AGL: variants seen among roughly 807,000 people sequenced by gnomAD.
The protein encoded by AGL is amylo-alpha-1,6-glucosidase and 4-alpha-glucanotransferase, also known as glycogen debranching enzyme.
AGL carries 128 observed loss-of-function variants against 199.3 expected under a neutral mutation model. The ratio of observed to expected loss-of-function variants is 0.64; its 90% CI spans 0.56 to 0.74. AGL has a LOEUF of 0.74. Among genes scored for constraint, AGL ranks in the 30% least tolerant of loss-of-function variants. AGL has a pLI of 0.00. For synonymous variants in AGL, 584 were observed against 594.7 expected, an observed-to-expected ratio of 0.98 and a Z score of 0.26; for missense variants, 1,809 against 1,820.8, an observed-to-expected ratio of 0.99 and a Z score of 0.12.
At position 99,923,639 on chromosome 1, in the gene AGL, CA is replaced by C. The variant is rs1310131754; in HGVS notation, c.*1989del. On this transcript the variant is annotated 3_prime_UTR_variant, in exon 34 of 34. Coordinates refer to ENST00000361915, the MANE Select transcript of AGL (RefSeq NM_000642.3). Reference sequence around the variant, plus strand: ...TTAAAGTTTAAGAAGGCATGTTAAACATTATTTCCTCTATGGTAGTTAAAAT... The same window carrying C: ...TTAAAGTTTAAGAAGGCATGTTAAACTTATTTCCTCTATGGTAGTTAAAAT... 1 of 152,112 alleles carries C rather than the reference CA, an allele frequency of 6.6e-6. No homozygotes were observed. The highest frequency in any genetic ancestry group is 2.4e-5 in the African/African-American group (1 of 41,426). 9.4% of individuals were successfully genotyped at this position (152,112 alleles called of 1,614,324 possible). A position where few individuals can be genotyped will look rare whatever the true frequency, so the allele number is the denominator to read the frequency against.
intron 2 of AGL, among the ~76,000 whole-genome samples, chr1:99,852,904 A>G (rs1255183924): frequency 6.6e-6 from 1 of 152,198 alleles, no homozygotes; most frequent in African/African-American, 2.4e-5. Flanking sequence ...CAACTTGGAT[A>G]TGCTTAAATC....
At chr1:99,849,604 G>C (rs1349403864), upstream of AGL, among the ~76,000 whole-genome samples, 1 of 152,038 alleles carries the variant, frequency 6.6e-6, no homozygotes, top group Non-Finnish European at 1.5e-5. Context: ...TTACCTACTG[G>C]GTCTGCATTC....
intron 5 of AGL, among the ~76,000 whole-genome samples, chr1:99,870,153 CT>C (rs1650865066): frequency 6.6e-6 from 1 of 151,766 alleles, no homozygotes; most frequent in Admixed American, 6.6e-5. Context: ...GAGAGAGTTG[CT>C]TTTTGTTTCA....
chr1:99,849,668 G>C (rs1030808866), upstream of AGL, among the ~76,000 whole-genome samples: 1 of 152,156 alleles, frequency 6.6e-6, no homozygotes, highest in Admixed American at 6.5e-5. Context: ...GTGTTGGCTG[G>C]AATGTCAAGG....
chr1:99,898,313 TG>T (rs2100810344), intron 25 of AGL, among the ~76,000 whole-genome samples: 1 of 152,348 alleles, frequency 6.6e-6, no homozygotes, highest in South Asian at 2.1e-4. Context: ...CCCAAAGTGC[TG>T]GGATTACAGG....
intron 24 of AGL, among the ~76,000 whole-genome samples, chr1:99,893,236 T>C (rs1251993765): frequency 2.0e-5 from 3 of 152,170 alleles, no homozygotes; most frequent in Admixed American, 6.5e-5. Context: ...CTGAAAAATA[T>C]CAAGTTACAG....
chr1:99,920,176 A>G (rs1340548341), intron 33 of AGL, among the ~76,000 whole-genome samples: 1 of 152,248 alleles, frequency 6.6e-6, no homozygotes. Flanking sequence ...ACAGAGCACT[A>G]CAAACTGAGT....
Position 99,877,688 on chromosome 1 carries a change from G to A in AGL, c.1471G>A (p.Val491Ile). ...RRELICWGDS[V>I]KLRYGNKPED... ...AGAACTTATTTGCTGGGGAGACAGT[G>A]TTAAATTACGCTATGGGAATAAACC... Residue 491 changes from valine to isoleucine, a missense_variant, in exon 12 of 34, where the codon GTT (valine) becomes ATT (isoleucine). Physicochemically the swap from Val to Ile is conservative, Grantham distance 29. Transcript: ENST00000361915. 1 of 1,614,074 alleles carries A rather than the reference G, an allele frequency of 6.2e-7. No homozygotes were observed. The highest frequency in any genetic ancestry group is 8.5e-7 in the Non-Finnish European group (1 of 1,179,992).
intron 7 of AGL, among the ~76,000 whole-genome samples, chr1:99,871,138 G>A (rs1650967974): frequency 6.6e-6 from 1 of 152,144 alleles, no homozygotes; most frequent in Non-Finnish European, 1.5e-5. Flanking sequence ...GTGGAACCCA[G>A]TATATAGTTG....
chr1:99,885,407 C>G (rs1652380575), intron 20 of AGL, among the ~76,000 whole-genome samples: 1 of 152,132 alleles, frequency 6.6e-6, no homozygotes, highest in South Asian at 2.1e-4. Context: ...AGTTTGCCAT[C>G]ATTAGTACTA....
intron 7 of AGL, among the ~76,000 whole-genome samples, chr1:99,871,266 T>A (rs1175700098): frequency 6.6e-6 from 1 of 152,114 alleles, no homozygotes; most frequent in Non-Finnish European, 1.5e-5. Context: ...GAACCTTAAC[T>A]GACGTAGAGG....
At chr1:99,866,157 C>T (rs763525476) in intron 5 of AGL, among the ~76,000 whole-genome samples, 1 of 152,086 alleles carries the variant, frequency 6.6e-6, no homozygotes, top group Non-Finnish European at 1.5e-5. Flanking sequence ...TTGATAATCA[C>T]TTTGAGATCT....
chr1:99,880,309 G>C (rs1005921920), intron 13 of AGL, among the ~76,000 whole-genome samples: 3 of 152,112 alleles, frequency 2.0e-5, no homozygotes, highest in African/African-American at 7.2e-5. Context: ...TTTTGTTGTT[G>C]AAAATATGCA....
chr1:99,873,433 CT>C (rs553707025), intron 7 of AGL, among the ~76,000 whole-genome samples: 2,839 of 131,092 alleles, frequency 0.022, 20 homozygotes, highest in Middle Eastern at 0.058. Context: ...TGGCAGTGTT[CT>C]TTTTTTTTTT....
In AGL at chr1:99,923,031, G is replaced by C. The variant is rs925981952; in HGVS notation, c.*1380G>C. 1 of 152,010 alleles carries C rather than the reference G, an allele frequency of 6.6e-6. No homozygotes were observed. Among genetic ancestry groups the C allele is most frequent in the African/African-American group, 2.4e-5 (1 of 41,412 alleles). The allele number at this position is 152,010 out of a possible 1,614,324, so 9.4% of individuals were successfully genotyped here. ...GTCAAATACCCATGCTTGAAAGCTC[G>C]TGTAATTTACTTTAAGATTATCTGC... On this transcript the variant is annotated 3_prime_UTR_variant, in exon 34 of 34. Transcript: ENST00000361915.
In AGL at chr1:99,914,503, G is replaced by A. The variant is rs17121634; in HGVS notation, c.4161+765G>A. 6.5e-3 allele frequency among the ~76,000 whole-genome samples: 986 copies of A among 152,282 alleles called. 14 individuals are homozygous for A. The highest frequency in any genetic ancestry group is 0.023 in the African/African-American group (948 of 41,554). ...TCTATGCCTGGCTAGCTGTTTTCAC[G>A]TTGTCAAAAAGAGTACCAAACCTAC... On this transcript the variant is annotated intron_variant, in intron 30 of 33. Coordinates refer to ENST00000361915, the MANE Select transcript of AGL (RefSeq NM_000642.3).
Position 99,884,370 on chromosome 1 carries a change from G to C in AGL, c.2465G>C (p.Gly822Ala), listed in dbSNP as rs752820851. The change falls in exon 19 of 34, where the codon GGA becomes GCA. Residue 822 changes from glycine (G) to alanine (A), a missense_variant. Coordinates refer to ENST00000361915, the MANE Select transcript of AGL (RefSeq NM_000642.3). The part of the protein sequence containing the change: ...LNESKIVKQA[G>A]VATKGPNEYI... ...GAAAGTAAAATTGTTAAACAAGCTG[G>C]AGTTGCCACAAAAGGGCCCAATGAA... 5.0e-6 allele frequency: 8 copies of C among 1,612,876 alleles called. No homozygotes were observed. The highest frequency in any genetic ancestry group is 1.7e-5 in the Admixed American group (1 of 59,878).
chr1:99,858,627 C>G (rs1649775313), intron 2 of AGL, among the ~76,000 whole-genome samples: 1 of 152,112 alleles, frequency 6.6e-6, no homozygotes, highest in Admixed American at 6.6e-5. Flanking sequence ...TTTAGAAATG[C>G]TTCTTTCATC....
At chr1:99,851,158 C>A (rs961230782) in intron 2 of AGL, 34 bp downstream of exon 2, 3 of 1,560,692 alleles carry the variant, frequency 1.9e-6, no homozygotes, top group African/African-American at 2.7e-5. Context: ...TGCTCATTTG[C>A]GTCTTTTAAA....
Sources: allele counts gnomAD v4.1 joint callset (sites outside exome capture counted in the v4.1 genomes callset), GRCh38; gene constraint gnomAD v4.1.1; transcripts MANE v1.5; gene names NCBI Gene and HGNC (gene_info 2026-07-23, HGNC 2026-07-21).